The following RBFOX1 variants were observed in gnomAD, a reference collection of about 807,000 sequenced individuals.
RBFOX1 encodes RNA binding protein fox-1 homolog 1.
A neutral mutation model predicts 57.7 loss-of-function variants in RBFOX1; 8 were observed. The ratio of observed to expected loss-of-function variants is 0.14; its 90% confidence interval spans 0.08 to 0.25. The LOEUF (loss-of-function observed/expected upper bound fraction) is 0.25. Ranked by LOEUF, RBFOX1 falls within the 10% of genes least tolerant of loss-of-function variation. The pLI is 1.00. For synonymous variants in RBFOX1, 326 were observed against 222.4 expected, an observed-to-expected ratio of 1.47 and a Z score of -4.15; for missense variants, 611 against 548.5, an observed-to-expected ratio of 1.11 and a Z score of -1.14.
intron 1 of RBFOX1, among the ~76,000 whole-genome samples, chr16:6,063,642 A>T (rs1013898722): frequency 2.0e-5 from 3 of 152,008 alleles, no homozygotes; most frequent in African/African-American, 7.3e-5. Flanking sequence ...CAAGCTTACC[A>T]TTTATTTTAT....
rs560059945 is a variant in RBFOX1 at position 7,489,555 on chromosome 16, G to A, written c.28-28592G>A. ...TAGAGTCTTGCTCTGTCACTCTGCT[G>A]CCCAGGCTGGAATGCGGTGGTACCA... On this transcript the variant is annotated intron_variant, in intron 4 of 15. Transcript: ENST00000550418. 3.3e-4 allele frequency among the ~76,000 whole-genome samples: 50 copies of A among 151,812 alleles called. 1 individual carries two copies. The South Asian group carries it at 9.8e-3, about 30-fold the overall frequency.
intron 4 of RBFOX1, among the ~76,000 whole-genome samples, chr16:7,176,730 A>G (rs2152494210): frequency 6.6e-6 from 1 of 152,308 alleles, no homozygotes; most frequent in Middle Eastern, 3.4e-3. Flanking sequence ...ATAAGGTGAT[A>G]TTCCTACTTT....
At chr16:6,745,631 A>G (rs1030350558) in intron 3 of RBFOX1, among the ~76,000 whole-genome samples, 2 of 152,232 alleles carry the variant, frequency 1.3e-5, no homozygotes, top group African/African-American at 4.8e-5. Context: ...CAGCAAGAAT[A>G]GAAGATAAAT....
chr16:6,061,093 T>C (rs2095679995), intron 1 of RBFOX1, among the ~76,000 whole-genome samples: 1 of 152,164 alleles, frequency 6.6e-6, no homozygotes, highest in Non-Finnish European at 1.5e-5. Flanking sequence ...CAGAACCTGA[T>C]TGGCCCAGGT....
chr16:5,396,983 C>G (rs1320618536), intron 1 of RBFOX1, among the ~76,000 whole-genome samples: 1 of 152,160 alleles, frequency 6.6e-6, no homozygotes, highest in Non-Finnish European at 1.5e-5. Flanking sequence ...GTAGTCAGAC[C>G]AGTTTCTTGC....
chr16:5,640,576 C>A (rs537307530), intron 3 of RBFOX1, among the ~76,000 whole-genome samples: 1 of 151,662 alleles, frequency 6.6e-6, no homozygotes, highest in Non-Finnish European at 1.5e-5. Context: ...TATGCACACA[C>A]ATACACAGAT....
intron 3 of RBFOX1, among the ~76,000 whole-genome samples, chr16:6,777,699 T>C (rs1190280886): frequency 6.6e-6 from 1 of 152,208 alleles, no homozygotes; most frequent in African/African-American, 2.4e-5. Context: ...TTTAATCTTA[T>C]GCATTCTGAT....
In RBFOX1 at chr16:6,253,003, A is replaced by G. The variant is rs148513032; in HGVS notation, c.-126-63992A>G. ...TTCGTAATATCTCTGTGAGGTAGGAACTATTATAATCCACTTTTACAGATA... is the reference window on the plus strand; with the variant it reads ...TTCGTAATATCTCTGTGAGGTAGGAGCTATTATAATCCACTTTTACAGATA... On this transcript the variant is annotated intron_variant, in intron 1 of 15. Coordinates refer to ENST00000550418, the MANE Select transcript of RBFOX1 (RefSeq NM_018723.4). 1.8e-4 allele frequency among the ~76,000 whole-genome samples: 27 copies of G among 152,278 alleles called. No individual in the cohort carries two copies. The East Asian group carries it at 5.0e-3, about 28-fold the overall frequency.
chr16:5,415,598 G>A (rs2067140223), intron 1 of RBFOX1, among the ~76,000 whole-genome samples: 3 of 152,130 alleles, frequency 2.0e-5, no homozygotes, highest in Admixed American at 2.0e-4. Context: ...GTCTTGGCAG[G>A]CAATAGCACC....
intron 2 of RBFOX1, among the ~76,000 whole-genome samples, chr16:5,547,959 A>G (rs4786708): frequency 1.3e-5 from 2 of 151,252 alleles, no homozygotes; most frequent in African/African-American, 4.9e-5. Context: ...CAGGAGTTCC[A>G]GATCAGCCTG....
intron 1 of RBFOX1, among the ~76,000 whole-genome samples, chr16:5,438,241 C>G (rs564610091): frequency 6.6e-6 from 1 of 152,220 alleles, no homozygotes; most frequent in Non-Finnish European, 1.5e-5. Context: ...TGATCACCCT[C>G]ACTCCCATCC....
intron 2 of RBFOX1, among the ~76,000 whole-genome samples, chr16:5,569,144 C>G (rs1418064625): frequency 6.6e-6 from 1 of 152,092 alleles, no homozygotes; most frequent in Non-Finnish European, 1.5e-5. Flanking sequence ...GCCACCATGC[C>G]CGGCTGACAT....
At chr16:5,971,714 C>G (rs916180311) in intron 4 of RBFOX1, among the ~76,000 whole-genome samples, 3 of 152,150 alleles carry the variant, frequency 2.0e-5, no homozygotes, top group Non-Finnish European at 4.4e-5. Flanking sequence ...AAGGACCAGT[C>G]TGGATTTATT....
At position 7,597,415 on chromosome 16, in the gene RBFOX1, C is replaced by T. The variant is rs761329760; in HGVS notation, c.606C>T (p.Val202=). 6.2e-6 allele frequency: 10 copies of T among 1,610,142 alleles called. No individual in the cohort carries two copies. In the South Asian group the frequency reaches 9.9e-5, roughly 16 times the overall value. The part of the protein sequence containing the change: ...TARVMTNKKT[V]NPYTNGWKLN... ...GTGTAATGACAAATAAAAAGACCGT[C>T]AACCCTTATACAAATGGTAAGTAGA... The change falls in exon 9 of 16, where the codon GTC becomes GTT. Residue 202 remains valine, a synonymous_variant. Coordinates refer to ENST00000550418, the MANE Select transcript of RBFOX1 (RefSeq NM_018723.4).
At chr16:6,818,977 C>A (rs777214222) in intron 3 of RBFOX1, among the ~76,000 whole-genome samples, 38 of 127,794 alleles carry the variant, frequency 3.0e-4, no homozygotes, top group Non-Finnish European at 6.0e-4. Context: ...TTGAAAGGCA[C>A]CTGTCTGAGA....
At chr16:7,371,675 A>G (rs1434332709) in intron 4 of RBFOX1, among the ~76,000 whole-genome samples, 1 of 152,122 alleles carries the variant, frequency 6.6e-6, no homozygotes, top group Non-Finnish European at 1.5e-5. Flanking sequence ...GCTTGAACCC[A>G]TGGGGCGGAG....
At chr16:6,964,628 A>G (rs2083710675) in intron 3 of RBFOX1, among the ~76,000 whole-genome samples, 1 of 152,136 alleles carries the variant, frequency 6.6e-6, no homozygotes, top group Non-Finnish European at 1.5e-5. Context: ...AAATAACGTT[A>G]GTTTGAAGAA....
At chr16:5,735,424 C>A (rs780797759) in intron 3 of RBFOX1, among the ~76,000 whole-genome samples, 2 of 152,196 alleles carry the variant, frequency 1.3e-5, no homozygotes, top group Non-Finnish European at 2.9e-5. Flanking sequence ...TTGGCATTAG[C>A]GATACAACTT....
intron 1 of RBFOX1, among the ~76,000 whole-genome samples, chr16:6,117,729 C>T (rs1330257551): frequency 6.6e-6 from 1 of 152,230 alleles, no homozygotes; most frequent in African/African-American, 2.4e-5. Context: ...ATAAATTGCC[C>T]ATTCTCAGTT....
Sources: allele counts gnomAD v4.1 joint callset (sites outside exome capture counted in the v4.1 genomes callset), GRCh38; gene constraint gnomAD v4.1.1; transcripts MANE v1.5; gene names NCBI Gene and HGNC (gene_info 2026-07-23, HGNC 2026-07-21).